Variants in SCUBE3 observed in about 807,000 individuals in gnomAD.
The protein encoded by SCUBE3 is signal peptide, CUB and EGF-like domain-containing protein 3.
SCUBE3 carries 33 observed loss-of-function variants against 116.8 expected under a neutral mutation model. That is an observed-to-expected ratio of 0.28 (90% CI 0.21 to 0.38). SCUBE3 has a LOEUF of 0.38. Ranked by LOEUF, SCUBE3 falls within the 10% of genes least tolerant of loss-of-function variation. SCUBE3 has a pLI of 1.00. For synonymous variants in SCUBE3, 418 were observed against 496.9 expected (o/e 0.84, Z 2.11); for missense variants, 1,007 against 1,324.8 (o/e 0.76, Z 3.72).
rs773550859 is a variant in SCUBE3, at chr6:35,244,751, C to T, written c.2341C>T (p.Arg781Cys). The T allele has an allele frequency of 1.7e-5, 27 of 1,614,096 alleles. No homozygotes were observed. Among genetic ancestry groups the T allele is most frequent in the African/African-American group, 5.3e-5 (4 of 74,932 alleles). The change falls in exon 18 of 22, where the codon CGC (arginine) becomes TGC (cysteine). Residue 781 changes from arginine (R) to cysteine (C), a missense_variant. Around this residue, in one of 5 missense-constraint regions of SCUBE3, gnomAD observed 544 missense variants for 638.9 expected, o/e 0.85. Coordinates refer to ENST00000274938, the MANE Select transcript of SCUBE3 (RefSeq NM_152753.4). The surrounding 1 kb of genome is among the most constrained non-coding windows in gnomAD (Gnocchi z 4.3). ...QPDFRQNFCSRCPGNTSTDFD... is the reference protein window; with the variant it reads ...QPDFRQNFCSCCPGNTSTDFD... ...CGACTTCCGTCAGAACTTCTGCAGC[C>T]GCTGTCCAGGAAACACAAGCACAGA...
chr6:35,215,239 A>G (rs1158159416), intron 1 of SCUBE3, among the ~76,000 whole-genome samples: 3 of 152,184 alleles, frequency 2.0e-5, no homozygotes, highest in Admixed American at 2.0e-4. Context: ...AACAAAGTAG[A>G]ATTCCAGGCC....
Position 35,232,678 on chromosome 6 carries a change from C to T in SCUBE3, c.470-172C>T, listed in dbSNP as rs1040708102. 6.6e-6 allele frequency among the ~76,000 whole-genome samples: 1 copy of T among 152,184 alleles called. No homozygotes were observed. The highest frequency in any genetic ancestry group is 2.4e-5 in the African/African-American group (1 of 41,444). On this transcript the variant is annotated intron_variant, in intron 4 of 21. Coordinates refer to ENST00000274938, the MANE Select transcript of SCUBE3 (RefSeq NM_152753.4). This position sits in a 1 kb window ranked among gnomAD's most constrained non-coding sequence, Gnocchi z 4.2. ...GCTCTGTGCTCTGCTCATGAGCACC[C>T]AGGTCTGTGGGGAAGACAGGAGGCC...
At position 35,244,915 on chromosome 6, in the gene SCUBE3, G is replaced by T; in HGVS notation, c.2401+104G>T. The T allele has an allele frequency of 8.5e-7, 1 of 1,179,656 alleles. No individual in the cohort carries two copies. The highest frequency in any genetic ancestry group is 1.2e-6 in the Non-Finnish European group (1 of 816,956). The allele number at this position is 1,179,656 out of a possible 1,614,324, so 73.1% of individuals were successfully genotyped here. A position where few individuals can be genotyped will look rare whatever the true frequency, so the allele number is the denominator to read the frequency against. Reference sequence around the variant, plus strand: ...CAACAGGGAGCAGGGCTGGGGGGTGGAGGAGCAGGAAAACTCCACCTTCCA... The same window carrying T: ...CAACAGGGAGCAGGGCTGGGGGGTGTAGGAGCAGGAAAACTCCACCTTCCA... On this transcript the variant is annotated intron_variant, in intron 18 of 21. Transcript: ENST00000274938. The surrounding 1 kb of genome is among the most constrained non-coding windows in gnomAD (Gnocchi z 4.3).
At chr6:35,222,044 C>T (rs1011554122) in intron 1 of SCUBE3, 2 of 152,258 alleles carry the variant, frequency 1.3e-5, no homozygotes, top group African/African-American at 4.8e-5. Flanking sequence ...TGGGTGGGTA[C>T]ATTAGGGCTC....
chr6:35,242,737 C>T lies in SCUBE3; in HGVS notation c.1650C>T (p.Leu550=), dbSNP rs368556958. Residue 550 remains leucine (L), a synonymous_variant, in exon 14 of 22, where the codon CTC becomes CTT. Transcript: ENST00000274938. ...CTCCAGGCAAAGAGGTCACAAGGCT[C>T]ACCCTGGAACTGGAGGCAGAGGTCA... The part of the protein sequence containing the change: ...RTPPGKEVTR[L]TLELEAEVRA... The T allele has an allele frequency of 2.5e-6, 4 of 1,614,112 alleles. No homozygotes were observed. The highest frequency in any genetic ancestry group is 4.5e-5 in the East Asian group (2 of 44,886).
rs571002283 is a variant in SCUBE3, at chr6:35,248,760, G to C, written c.*55G>C. The stretch of plus-strand genomic sequence containing the variant: ...AAGCCCCCAGACTCCTTAGCCCTCA[G>C]AGCCGGCAGCCCCCTACCCTCAGAC... On this transcript the variant is annotated 3_prime_UTR_variant, in exon 22 of 22. Coordinates refer to ENST00000274938, the MANE Select transcript of SCUBE3 (RefSeq NM_152753.4). The C allele has an allele frequency of 6.7e-7, 1 of 1,486,134 alleles. No individual in the cohort carries two copies. Among genetic ancestry groups the C allele is most frequent in the African/African-American group, 1.4e-5 (1 of 71,656 alleles). The allele number at this position is 1,486,134 out of a possible 1,614,324, so 92.1% of individuals were successfully genotyped here.
intron 3 of SCUBE3, among the ~76,000 whole-genome samples, chr6:35,229,298 C>A (rs1351188897): frequency 6.6e-6 from 1 of 152,078 alleles, no homozygotes. Context: ...TACCTGTAGT[C>A]CCCAGCTACT....
intron 1 of SCUBE3, among the ~76,000 whole-genome samples, chr6:35,217,038 G>C (rs1782923672): frequency 6.6e-6 from 1 of 151,994 alleles, no homozygotes; most frequent in South Asian, 2.1e-4. Flanking sequence ...TGTGAGAACT[G>C]TATGGAAGAG....
chr6:35,233,187 A>T lies in SCUBE3; in HGVS notation c.598A>T (p.Thr200Ser). 1.9e-6 allele frequency: 3 copies of T among 1,609,830 alleles called. No homozygotes were observed. Among genetic ancestry groups the T allele is most frequent in the Non-Finnish European group, 2.6e-6 (3 of 1,176,182 alleles). ...LTKNQRDCKL[T>S]CNYGNGGCQH... ...GGCCCTGTCCTCTCTGTGCACAGTG[A>T]CATGCAACTATGGTAACGGCGGCTG... Residue 200 changes from threonine to serine, a missense_variant and splice_region_variant, in exon 6 of 22, where the codon ACA becomes TCA. Transcript: ENST00000274938. This position sits in a 1 kb window ranked among gnomAD's most constrained non-coding sequence, Gnocchi z 5.7.
rs763124740 is a variant in SCUBE3, at chr6:35,236,670, A to G, written c.713-1232A>G. Reference sequence around the variant, plus strand: ...TTGGAGCCCTGGCCTTCCTGTTCTCATTGGTGACAAGAGTTGGGCCTGAGT... The same window carrying G: ...TTGGAGCCCTGGCCTTCCTGTTCTCGTTGGTGACAAGAGTTGGGCCTGAGT... On this transcript the variant is annotated intron_variant, in intron 6 of 21. Transcript: ENST00000274938. Among the ~76,000 whole-genome samples, 23 of 152,328 alleles carry G rather than the reference A, an allele frequency of 1.5e-4. No individual in the cohort carries two copies. The Middle Eastern group carries it at 0.024, about 158-fold the overall frequency.
chr6:35,217,710 C>T (rs1782979883), intron 1 of SCUBE3, among the ~76,000 whole-genome samples: 1 of 152,058 alleles, frequency 6.6e-6, no homozygotes, highest in East Asian at 1.9e-4. Context: ...AAACCATAAC[C>T]ATGTCAGCGG....
intron 1 of SCUBE3, among the ~76,000 whole-genome samples, chr6:35,226,487 T>TTTTTTTTTTTG (rs1783331694): frequency 7.4e-6 from 1 of 135,734 alleles, no homozygotes; most frequent in South Asian, 2.6e-4. Context: ...GTCCTTTTTT[T>TTTTTTTTTTTG]TTTTTTTTTT....
In SCUBE3 at chr6:35,242,709, C is replaced by A; in HGVS notation, c.1622C>A (p.Thr541Asn). 6.2e-7 allele frequency: 1 copy of A among 1,614,096 alleles called. No homozygotes were observed. Among genetic ancestry groups the A allele is most frequent in the East Asian group, 2.2e-5 (1 of 44,888 alleles). Residue 541 changes from threonine (T) to asparagine (N), a missense_variant, in exon 14 of 22, where the codon ACC (threonine) becomes AAC (asparagine). Around this residue, in one of 5 missense-constraint regions of SCUBE3, gnomAD observed 544 missense variants for 638.9 expected, o/e 0.85. Coordinates refer to ENST00000274938, the MANE Select transcript of SCUBE3 (RefSeq NM_152753.4). ...AAGGGCAAGGGCCGACGGGCCCGGA[C>A]CCCTCCAGGCAAAGAGGTCACAAGG... ...SRKGKGRRAR[T>N]PPGKEVTRLT...
chr6:35,248,368 G>A (rs1410895188), intron 21 of SCUBE3, among the ~76,000 whole-genome samples, 188 bp from the exon 22 acceptor site: 1 of 152,192 alleles, frequency 6.6e-6, no homozygotes, highest in African/African-American at 2.4e-5. Flanking sequence ...GAAGGATGGA[G>A]CTGCCACTGA....
At chr6:35,218,147 G>A (rs566307841) in intron 1 of SCUBE3, 6 of 985,152 alleles carry the variant, frequency 6.1e-6, no homozygotes, top group Non-Finnish European at 6.0e-6. Flanking sequence ...CATGAGAACC[G>A]GTTTGAGATG....
At chr6:35,247,876 G>C (rs181271553) in intron 21 of SCUBE3, among the ~76,000 whole-genome samples, 1 of 152,184 alleles carries the variant, frequency 6.6e-6, no homozygotes, top group Non-Finnish European at 1.5e-5. Flanking sequence ...GGTCAGGAAA[G>C]GCCTCTAAGG....
At position 35,242,767 on chromosome 6, in the gene SCUBE3, C is replaced by T. The variant is rs1422319239; in HGVS notation, c.1680C>T (p.Ala560=). 1.2e-5 allele frequency: 19 copies of T among 1,613,238 alleles called. No homozygotes were observed. Among genetic ancestry groups the T allele is most frequent in the East Asian group, 2.2e-5 (1 of 44,852 alleles). ...LTLELEAEVR[A]EETTASCGLP... is the part of the protein sequence containing the mutation. ...TGGAACTGGAGGCAGAGGTCAGAGC[C>T]GAAGAAACCACAGGTGGGACTGGGG... Residue 560 remains alanine (A), a synonymous_variant, in exon 14 of 22, where the codon GCC becomes GCT. Transcript: ENST00000274938.
rs1784305937 is a variant in SCUBE3, at chr6:35,245,680, A to T, written c.2599+255A>T. Among the ~76,000 whole-genome samples the T allele has an allele frequency of 6.6e-6, 1 of 152,198 alleles. No homozygotes were observed. Among genetic ancestry groups the T allele is most frequent in the Non-Finnish European group, 1.5e-5 (1 of 68,042 alleles). On this transcript the variant is annotated intron_variant, in intron 19 of 21. Coordinates refer to ENST00000274938, the MANE Select transcript of SCUBE3 (RefSeq NM_152753.4). This position sits in a 1 kb window ranked among gnomAD's most constrained non-coding sequence, Gnocchi z 4.2. Reference sequence around the variant, plus strand: ...ATGGCGTTACATGTATCACTTTCCTATCCTAGCATTTTTGCCATTCCATTC... The same window carrying T: ...ATGGCGTTACATGTATCACTTTCCTTTCCTAGCATTTTTGCCATTCCATTC...
Position 35,241,905 on chromosome 6 carries a change from G to A in SCUBE3, c.1412G>A (p.Cys471Tyr). The A allele has an allele frequency of 6.2e-7, 1 of 1,603,606 alleles. No homozygotes were observed. Among genetic ancestry groups the A allele is most frequent in the Non-Finnish European group, 8.5e-7 (1 of 1,175,282 alleles). The stretch of plus-strand genomic sequence containing the variant: ...GGGAACAGCACCAACTCCAACCACT[G>A]CCATGGTAAGCACCAGCCCAGAAGC... ...HNGNSTNSNH[C>Y]HEAAVLSIKQ... The change falls in exon 12 of 22, where the codon TGC becomes TAC. Residue 471 changes from cysteine to tyrosine, a missense_variant. Cys to Tyr is a radical substitution (Grantham distance 194, BLOSUM62 -2). Transcript: ENST00000274938. The surrounding 1 kb of genome is among the most constrained non-coding windows in gnomAD (Gnocchi z 4.1).
Sources: gnomAD v4.1 joint callset for allele counts (sites outside exome capture counted in the v4.1 genomes callset) on GRCh38, gnomAD v4.1.1 for gene constraint, gnomAD v4.1.1 regional missense constraint, Gnocchi (gnomAD v3.1) non-coding constraint, MANE v1.5 for transcripts, NCBI Gene and HGNC (gene_info 2026-07-23, HGNC 2026-07-21) for gene names.